The following ARHGAP12 variants were observed in gnomAD, a reference collection of about 807,000 sequenced individuals.
The protein encoded by ARHGAP12 is rho GTPase-activating protein 12.
A neutral mutation model predicts 108.6 loss-of-function variants in ARHGAP12; 64 were observed. The ratio of observed to expected loss-of-function variants is 0.59; its 90% CI spans 0.48 to 0.73. The LOEUF (loss-of-function observed/expected upper bound fraction) is 0.73. Ranked by LOEUF, ARHGAP12 falls within the 30% of genes least tolerant of loss-of-function variation. ARHGAP12 has a pLI of 0.00. For synonymous variants in ARHGAP12, 312 were observed against 337.2 expected, an observed-to-expected ratio of 0.93 and a Z score of 0.82; for missense variants, 940 against 1,005.9, an observed-to-expected ratio of 0.93 and a Z score of 0.89.
At chr10:31,812,849 G>C in intron 14 of ARHGAP12, 26 bp from the exon 15 acceptor site, 2 of 1,359,760 alleles carry the variant, frequency 1.5e-6, no homozygotes, top group South Asian at 1.3e-5. Flanking sequence ...CAGGTAATGA[G>C]CATTTGTAAA....
At chr10:31,923,142 A>AAAC (rs1455402143) in intron 1 of ARHGAP12, among the ~76,000 whole-genome samples, 1 of 151,654 alleles carries the variant, frequency 6.6e-6, no homozygotes, top group African/African-American at 2.4e-5. Flanking sequence ...GAAAAAAAAA[A>AAAC]AAAAAAAAAA....
intron 15 of ARHGAP12, among the ~76,000 whole-genome samples, chr10:31,811,616 C>A (rs939868397): frequency 2.1e-4 from 32 of 150,720 alleles, no homozygotes; most frequent in African/African-American, 7.6e-4. Context: ...TTGGAGAGTA[C>A]CTAATTTGAA....
chr10:31,916,621 G>A (rs1839567710), intron 1 of ARHGAP12, among the ~76,000 whole-genome samples: 1 of 152,092 alleles, frequency 6.6e-6, no homozygotes, highest in Non-Finnish European at 1.5e-5. Context: ...GAAACATAAT[G>A]TATCTTTTTT....
chr10:31,853,401 T>C (rs1204873327), intron 5 of ARHGAP12, among the ~76,000 whole-genome samples: 1 of 151,952 alleles, frequency 6.6e-6, no homozygotes, highest in Non-Finnish European at 1.5e-5. Context: ...ACACAGGGAA[T>C]ATGAGGGGAA....
chr10:31,926,320 G>A (rs1370138906), intron 1 of ARHGAP12, among the ~76,000 whole-genome samples: 1 of 146,590 alleles, frequency 6.8e-6, no homozygotes, highest in Non-Finnish European at 1.5e-5. Context: ...CAATGAGCCG[G>A]GGCCAGCTAA....
intron 3 of ARHGAP12, among the ~76,000 whole-genome samples, chr10:31,903,212 A>G (rs1010102338): frequency 2.6e-5 from 4 of 152,234 alleles, no homozygotes; most frequent in African/African-American, 9.6e-5. Context: ...GTTAGATGGT[A>G]TAGCCTATTG....
intron 3 of ARHGAP12, among the ~76,000 whole-genome samples, chr10:31,891,661 T>C (rs1354761552): frequency 2.0e-5 from 3 of 152,222 alleles, no homozygotes; most frequent in Non-Finnish European, 2.9e-5. Flanking sequence ...TCCCGGATAA[T>C]ATTCTGCAGA....
chr10:31,836,916 C>G (rs1006401096), intron 9 of ARHGAP12, among the ~76,000 whole-genome samples: 27 of 152,052 alleles, frequency 1.8e-4, no homozygotes, highest in Admixed American at 2.0e-4. Flanking sequence ...GTAGAATTAA[C>G]ATGGCGGTTT....
intron 3 of ARHGAP12, among the ~76,000 whole-genome samples, chr10:31,891,122 T>C (rs962804448): frequency 2.0e-5 from 3 of 152,222 alleles, no homozygotes; most frequent in Non-Finnish European, 2.9e-5. Context: ...TGTGAACCCA[T>C]TATACTATGA....
rs780320794 is a variant in ARHGAP12 at position 31,843,528 on chromosome 10, C to T, written c.1229G>A (p.Arg410Gln). ...EIIKSRSLDR[R>Q]LQEPIVLTKW... ...TGTTAATACTATTGGTTCTTGCAGC[C>T]GCCTGTCCAGGCTCCTACTTTTAAT... The change falls in exon 7 of 20, where the codon CGG (arginine) becomes CAG (glutamine). Residue 410 changes from arginine (R) to glutamine (Q), a missense_variant. Coordinates refer to ENST00000344936, the MANE Select transcript of ARHGAP12 (RefSeq NM_018287.7). 2.2e-5 allele frequency: 36 copies of T among 1,613,028 alleles called. No individual in the cohort carries two copies. The East Asian group carries it at 3.6e-4, about 16-fold the overall frequency.
chr10:31,911,301 G>T (rs1206505146), intron 1 of ARHGAP12, among the ~76,000 whole-genome samples: 1 of 152,196 alleles, frequency 6.6e-6, no homozygotes, highest in Non-Finnish European at 1.5e-5. Flanking sequence ...GGGGATTATA[G>T]GCATGAGCCA....
chr10:31,903,586 T>A (rs1208117180), intron 3 of ARHGAP12, among the ~76,000 whole-genome samples: 1 of 152,070 alleles, frequency 6.6e-6, no homozygotes, highest in Non-Finnish European at 1.5e-5. Context: ...TGATTCCACA[T>A]AAGGAAAAAG....
chr10:31,809,954 T>A (rs1449020850), intron 16 of ARHGAP12, among the ~76,000 whole-genome samples: 1 of 152,186 alleles, frequency 6.6e-6, no homozygotes, highest in African/African-American at 2.4e-5. Flanking sequence ...TAGCTTCAAA[T>A]TAAGACAATA....
chr10:31,921,763 CAAAAAAAAAAAAAAAA>C (rs57420280), intron 1 of ARHGAP12, among the ~76,000 whole-genome samples: 1 of 37,918 alleles, frequency 2.6e-5, no homozygotes, highest in Non-Finnish European at 4.8e-5. Flanking sequence ...GGCTCCATCT[CAAAAAAAAAAAAAAAA>C]AAAAAAAAAA....
chr10:31,914,758 C>T (rs183377450), intron 1 of ARHGAP12, among the ~76,000 whole-genome samples: 1 of 152,278 alleles, frequency 6.6e-6, no homozygotes, highest in East Asian at 1.9e-4. Flanking sequence ...AAAAATGGAA[C>T]TACTATATGA....
intron 12 of ARHGAP12, among the ~76,000 whole-genome samples, chr10:31,818,925 T>G (rs1445538535): frequency 6.6e-6 from 1 of 152,144 alleles, no homozygotes; most frequent in Non-Finnish European, 1.5e-5. Flanking sequence ...CAGGAAACAG[T>G]GACTTCTTTC....
chr10:31,808,790 C>T, intron 18 of ARHGAP12, 39 bp from the exon 19 acceptor site: 1 of 1,595,358 alleles, frequency 6.3e-7, no homozygotes, highest in Non-Finnish European at 8.6e-7. Flanking sequence ...ACAGCAAATT[C>T]TTATGAAACT....
chr10:31,902,198 C>T (rs1838955400), intron 3 of ARHGAP12, among the ~76,000 whole-genome samples: 1 of 151,804 alleles, frequency 6.6e-6, no homozygotes, highest in African/African-American at 2.4e-5. Context: ...ATGAATGAAA[C>T]AGAATAGAGG....
chr10:31,911,477 G>A, intron 1 of ARHGAP12, among the ~76,000 whole-genome samples: 1 of 129,714 alleles, frequency 7.7e-6, no homozygotes, highest in East Asian at 2.2e-4. Flanking sequence ...ACCACACTCT[G>A]CTAATTTTTG....
Sources: allele counts gnomAD v4.1 joint callset (sites outside exome capture counted in the v4.1 genomes callset), GRCh38; gene constraint gnomAD v4.1.1; transcripts MANE v1.5; gene names NCBI Gene and HGNC (gene_info 2026-07-23, HGNC 2026-07-21).